The following SLCO4C1 variants were observed in gnomAD, a reference collection of about 807,000 sequenced individuals.
SLCO4C1 encodes the protein solute carrier organic anion transporter family member 4C1.
SLCO4C1 carries 58 observed loss-of-function variants against 72.1 expected under a neutral mutation model. The ratio of observed to expected loss-of-function variants is 0.80; its 90% CI spans 0.65 to 1.00. The LOEUF (loss-of-function observed/expected upper bound fraction) is 1.00, where lower values mean the gene tolerates loss of function less well. Ranked by LOEUF, SLCO4C1 falls within the 50% of genes least tolerant of loss-of-function variation. The pLI is 0.00. For missense variants in SLCO4C1, 898 were observed against 857.9 expected, an observed-to-expected ratio of 1.05 and a Z score of -0.58; for synonymous variants, 297 against 312.5, an observed-to-expected ratio of 0.95 and a Z score of 0.52.
intron 1 of SLCO4C1, among the ~76,000 whole-genome samples, chr5:102,295,678 A>G (rs1395985034): frequency 1.3e-5 from 2 of 152,248 alleles, no homozygotes; most frequent in Non-Finnish European, 2.9e-5. Context: ...AAAGGCTTGT[A>G]TTGCAAGTTT....
intron 12 of SLCO4C1, 124 bp from the exon 13 acceptor site, chr5:102,237,142 A>G: frequency 9.8e-7 from 1 of 1,022,888 alleles, no homozygotes; most frequent in Non-Finnish European, 1.3e-6. Context: ...TTATAGTTCT[A>G]TGTTTAAAAT....
At chr5:102,269,093 G>T (rs1197548094) in intron 3 of SLCO4C1, among the ~76,000 whole-genome samples, 1 of 151,902 alleles carries the variant, frequency 6.6e-6, no homozygotes, top group East Asian at 1.9e-4. Context: ...GTTATTTTTA[G>T]AATTATCTTT....
At chr5:102,286,815 T>A (rs1327056838) in intron 2 of SLCO4C1, among the ~76,000 whole-genome samples, 1 of 152,178 alleles carries the variant, frequency 6.6e-6, no homozygotes, top group Non-Finnish European at 1.5e-5. Flanking sequence ...AAGTCCACGC[T>A]GTTTCAAAAT....
intron 10 of SLCO4C1, among the ~76,000 whole-genome samples, chr5:102,246,272 A>G (rs767677572): frequency 6.6e-5 from 10 of 152,100 alleles, no homozygotes; most frequent in Non-Finnish European, 1.3e-4. Context: ...CTGACTAAGA[A>G]AAAAAGGAGA....
intron 3 of SLCO4C1, among the ~76,000 whole-genome samples, chr5:102,268,446 A>G (rs1035863593): frequency 3.9e-5 from 6 of 152,120 alleles, no homozygotes; most frequent in African/African-American, 1.4e-4. Context: ...TACAATTACA[A>G]CTAAATATCT....
rs151070841 is a variant in SLCO4C1, at chr5:102,249,671, G to C, written c.1587C>G (p.Gly529=). ...GVQYFSPCFA[G]CSNPVAHRKP... ...TCCTGTGTGCAACTGGGTTTGAACA[G>C]CCTGCAAAGCAGGGAGAAAAATATT... The change falls in exon 9 of 13, where the codon GGC becomes GGG. Residue 529 remains glycine, a synonymous_variant. Coordinates refer to ENST00000310954, the MANE Select transcript of SLCO4C1 (RefSeq NM_180991.5). 1,290 of 1,613,860 alleles carry C rather than the reference G, an allele frequency of 8.0e-4. 12 individuals carry two copies. In the African/African-American group the frequency reaches 0.015, roughly 19 times the overall value.
Position 102,249,760 on chromosome 5 carries a change from G to A in SLCO4C1, c.1498C>T (p.Pro500Ser). The A allele has an allele frequency of 1.2e-6, 2 of 1,613,690 alleles. No homozygotes were observed. The highest frequency in any genetic ancestry group is 1.7e-6 in the Non-Finnish European group (2 of 1,179,826). Residue 500 changes from proline (P) to serine (S), a missense_variant, in exon 9 of 13, where the codon CCT (proline) becomes TCT (serine). Pro to Ser is a moderately conservative substitution (Grantham distance 74, BLOSUM62 -1). Coordinates refer to ENST00000310954, the MANE Select transcript of SLCO4C1 (RefSeq NM_180991.5). Reference sequence around the variant, plus strand: ...GAACAGTTACAATTGGCATTACAAGGGGCTATCAAGTTTCCCAATTCTCCA... The same window carrying A: ...GAACAGTTACAATTGGCATTACAAGAGGCTATCAAGTTTCCCAATTCTCCA... ...GTGELGNLIAPCNANCNCSRS... is the reference protein window; with the variant it reads ...GTGELGNLIASCNANCNCSRS...
At chr5:102,237,144 G>C (rs1748452577) in intron 12 of SLCO4C1, 126 bp from the exon 13 acceptor site, 12 of 1,012,986 alleles carry the variant, frequency 1.2e-5, no homozygotes, top group African/African-American at 6.7e-5. Flanking sequence ...ATAGTTCTAT[G>C]TTTAAAATTT....
intron 2 of SLCO4C1, among the ~76,000 whole-genome samples, chr5:102,290,788 T>A (rs1749536175): frequency 6.6e-6 from 1 of 152,214 alleles, no homozygotes; most frequent in South Asian, 2.1e-4. Context: ...GGAAAAAATA[T>A]GTATATAATT....
Position 102,240,712 on chromosome 5 carries a change from G to T in SLCO4C1, c.1876+6C>A. 1 of 1,606,626 alleles carries T rather than the reference G, an allele frequency of 6.2e-7. No individual in the cohort carries two copies. The highest frequency in any genetic ancestry group is 8.5e-7 in the Non-Finnish European group (1 of 1,175,380). ...AGTTAGCAATGAATAAAGAAAAATGGCATACCTAATAATCGAAGGACCATA... is the reference window on the plus strand; with the variant it reads ...AGTTAGCAATGAATAAAGAAAAATGTCATACCTAATAATCGAAGGACCATA... On this transcript the variant is annotated splice_donor_region_variant and intron_variant, in intron 11 of 12. Transcript: ENST00000310954.
At chr5:102,249,017 T>A (rs1441784372) in intron 9 of SLCO4C1, among the ~76,000 whole-genome samples, 1 of 152,198 alleles carries the variant, frequency 6.6e-6, no homozygotes, top group Non-Finnish European at 1.5e-5. Context: ...ATATTTTAAG[T>A]GTATTCATGG....
intron 2 of SLCO4C1, among the ~76,000 whole-genome samples, chr5:102,276,708 G>T (rs1330381488): frequency 6.6e-6 from 1 of 152,082 alleles, no homozygotes. Context: ...AACTGGAAAG[G>T]AACAACTCAA....
Position 102,295,946 on chromosome 5 carries a change from C to CG in SLCO4C1, c.316_317insC (p.Gly106AlafsTer18), listed in dbSNP as rs758879366. ...CAAGAGGCAGTAGTGAAGCAGAAAG[C>CG]CTCCAGGTGTGTTGCAGCGCTGGAG... On this transcript the variant is annotated frameshift_variant, in exon 1 of 13. Transcript: ENST00000310954. LOFTEE classifies it high-confidence loss of function. 6.2e-7 allele frequency: 1 copy of CG among 1,614,174 alleles called. No individual in the cohort carries two copies. Among genetic ancestry groups the CG allele is most frequent in the Non-Finnish European group, 8.5e-7 (1 of 1,179,996 alleles).
intron 6 of SLCO4C1, among the ~76,000 whole-genome samples, chr5:102,258,873 ATAAT>A (rs1418393059): frequency 2.7e-4 from 41 of 151,898 alleles, no homozygotes; most frequent in Admixed American, 2.4e-3. Context: ...ATAATTTAAA[ATAAT>A]TAATAATAAT....
At position 102,291,376 on chromosome 5, in the gene SLCO4C1, T is replaced by G; in HGVS notation, c.586A>C (p.Ser196Arg). Reference sequence around the variant, plus strand: ...AGAGACCCCAATTTATATTCTCCACTGAAAAATTGTGGCAATGAGAATACA... The same window carrying G: ...AGAGACCCCAATTTATATTCTCCACGGAAAAATTGTGGCAATGAGAATACA... ...ALVFSLPQFF[S>R]GEYKLGSLFE... Residue 196 changes from serine to arginine, a missense_variant, in exon 2 of 13, where the codon AGT becomes CGT. By Grantham distance (110) the Ser-to-Arg change is moderately radical (BLOSUM62 -1). Coordinates refer to ENST00000310954, the MANE Select transcript of SLCO4C1 (RefSeq NM_180991.5). 6.2e-7 allele frequency: 1 copy of G among 1,613,916 alleles called. No individual in the cohort carries two copies. Among genetic ancestry groups the G allele is most frequent in the Non-Finnish European group, 8.5e-7 (1 of 1,179,956 alleles).
At chr5:102,288,225 C>T (rs904965726) in intron 2 of SLCO4C1, among the ~76,000 whole-genome samples, 2 of 152,206 alleles carry the variant, frequency 1.3e-5, no homozygotes, top group African/African-American at 4.8e-5. Context: ...CACTGCAACA[C>T]TGGATATATA....
At chr5:102,280,014 G>A (rs960298974) in intron 2 of SLCO4C1, among the ~76,000 whole-genome samples, 1 of 144,150 alleles carries the variant, frequency 6.9e-6, no homozygotes, top group African/African-American at 2.6e-5. Flanking sequence ...GCCTAATATA[G>A]GGAAGAAGGT....
At chr5:102,277,567 G>T (rs902325991) in intron 2 of SLCO4C1, among the ~76,000 whole-genome samples, 1 of 152,138 alleles carries the variant, frequency 6.6e-6, no homozygotes, top group African/African-American at 2.4e-5. Context: ...CAGAGAGAAT[G>T]ATATCAGTGG....
Position 102,261,902 on chromosome 5 carries a change from G to T in SLCO4C1, c.1021+10C>A, listed in dbSNP as rs1748950496. On this transcript the variant is annotated intron_variant, in intron 5 of 12. Transcript: ENST00000310954. ...ATAAACCTCTCTGGTTTTAAAGAAA[G>T]CATGTTTACCTGGTAAATGTTTTGG... 1.9e-6 allele frequency: 3 copies of T among 1,605,324 alleles called. No homozygotes were observed. Among genetic ancestry groups the T allele is most frequent in the African/African-American group, 1.3e-5 (1 of 74,392 alleles).
Sources: gnomAD v4.1 joint callset for allele counts (sites outside exome capture counted in the v4.1 genomes callset) on GRCh38, gnomAD v4.1.1 for gene constraint, MANE v1.5 for transcripts, NCBI Gene and HGNC (gene_info 2026-07-23, HGNC 2026-07-21) for gene names.